NFIB: variants seen among roughly 807,000 people sequenced by gnomAD.
NFIB encodes the protein nuclear factor I B, also known as nuclear factor 1 B-type.
NFIB carries 11 observed loss-of-function variants against 61.5 expected under a neutral mutation model. The ratio of observed to expected loss-of-function variants is 0.18; its 90% CI spans 0.11 to 0.30. NFIB has a LOEUF of 0.30. Ranked by LOEUF, NFIB falls within the 10% of genes least tolerant of loss-of-function variation. The pLI is 1.00. For synonymous variants in NFIB, 260 were observed against 216.5 expected, an observed-to-expected ratio of 1.20 and a Z score of -1.76; for missense variants, 471 against 608.9, an observed-to-expected ratio of 0.77 and a Z score of 2.38.
intron 1 of NFIB, among the ~76,000 whole-genome samples, chr9:14,344,745 G>A (rs2060998853): frequency 6.6e-6 from 1 of 150,638 alleles, no homozygotes; most frequent in African/African-American, 2.5e-5. Context: ...CAAGACTGCA[G>A]GGTAAAGAAA....
At chr9:14,457,214 C>A in the NFIB span, among the ~76,000 whole-genome samples, 1 of 152,136 alleles carries the variant, frequency 6.6e-6, no homozygotes, top group Non-Finnish European at 1.5e-5. Context: ...GGAAGATGAA[C>A]TGGATATCCA....
the NFIB span, among the ~76,000 whole-genome samples, chr9:14,472,850 A>C: frequency 6.6e-6 from 1 of 152,320 alleles, no homozygotes; most frequent in African/African-American, 2.4e-5. Context: ...CAAAAAAATA[A>C]AAATAAAAAA....
In NFIB at chr9:14,313,873, G is replaced by C; in HGVS notation, c.-362C>G. ...CAGTTGTTGTTGTTGTTGGGGTGTA[G>C]GGGGTGCGCGAAGGTTCGGTGTGGG... On this transcript the variant is annotated 5_prime_UTR_variant, in exon 1 of 11. Transcript: ENST00000380953. This position sits in a 1 kb window ranked among gnomAD's most constrained non-coding sequence, Gnocchi z 4.5. The C allele has an allele frequency of 7.1e-6, 8 of 1,126,094 alleles. No individual in the cohort carries two copies. The highest frequency in any genetic ancestry group is 8.7e-6 in the Non-Finnish European group (8 of 917,898). 69.8% of individuals were successfully genotyped at this position (1,126,094 alleles called of 1,614,324 possible).
At chr9:14,239,824 G>A (rs920858463) in intron 2 of NFIB, among the ~76,000 whole-genome samples, 2 of 152,118 alleles carry the variant, frequency 1.3e-5, no homozygotes, top group Admixed American at 6.6e-5. Context: ...TGAAAACAGT[G>A]AAAGATACCC....
chr9:14,405,449 G>A, the NFIB span, among the ~76,000 whole-genome samples: 1 of 152,188 alleles, frequency 6.6e-6, no homozygotes, highest in Non-Finnish European at 1.5e-5. Context: ...GTGAATGGCA[G>A]GGAAACTGAC....
At chr9:14,281,212 T>A (rs1303515278) in intron 2 of NFIB, among the ~76,000 whole-genome samples, 1 of 152,208 alleles carries the variant, frequency 6.6e-6, no homozygotes, top group Non-Finnish European at 1.5e-5. Flanking sequence ...AATTATCCAA[T>A]TAAACATATA....
At chr9:14,368,787 T>C (rs2061328962) in intron 1 of NFIB, among the ~76,000 whole-genome samples, 1 of 152,346 alleles carries the variant, frequency 6.6e-6, no homozygotes, top group African/African-American at 2.4e-5. Flanking sequence ...TATGTCTGCA[T>C]AGCTCATTTA....
At chr9:14,099,316 C>G (rs2035364197) in intron 10 of NFIB, among the ~76,000 whole-genome samples, 1 of 152,118 alleles carries the variant, frequency 6.6e-6, no homozygotes, top group Non-Finnish European at 1.5e-5. Context: ...ATGAACAGAC[C>G]TATATTTCTT....
At chr9:14,383,333 T>G (rs547218349) in intron 1 of NFIB, among the ~76,000 whole-genome samples, 4 of 152,348 alleles carry the variant, frequency 2.6e-5, no homozygotes, top group South Asian at 4.1e-4. Flanking sequence ...CACTATTGAT[T>G]ATATTTTTGG....
chr9:14,308,969 T>A (rs1016096265), intron 1 of NFIB, among the ~76,000 whole-genome samples: 7 of 152,218 alleles, frequency 4.6e-5, no homozygotes, highest in African/African-American at 1.4e-4. Context: ...CTTAACGTCC[T>A]GTACATGCAC....
At chr9:14,433,553 C>T in the NFIB span, among the ~76,000 whole-genome samples, 1 of 152,330 alleles carries the variant, frequency 6.6e-6, no homozygotes, top group South Asian at 2.1e-4. Context: ...AACAGGATTT[C>T]CACATCTACT....
upstream of NFIB, among the ~76,000 whole-genome samples, chr9:14,317,631 G>A (rs920097773): frequency 1.4e-4 from 22 of 152,228 alleles, no homozygotes; most frequent in African/African-American, 5.3e-4. Context: ...GGCTTTGACT[G>A]TCTTCTCAGG....
intron 4 of NFIB, among the ~76,000 whole-genome samples, chr9:14,151,708 T>C (rs1035249313): frequency 5.5e-4 from 83 of 152,198 alleles, no homozygotes; most frequent in African/African-American, 2.0e-3. Context: ...GTAGAGATAA[T>C]GTGCAAAGTG....
At chr9:14,450,384 T>C in the NFIB span, among the ~76,000 whole-genome samples, 27 of 152,358 alleles carry the variant, frequency 1.8e-4, no homozygotes, top group Non-Finnish European at 3.1e-4. Context: ...TACTTTTCCA[T>C]GAACCTCTTG....
the NFIB span, among the ~76,000 whole-genome samples, chr9:14,466,994 C>T: frequency 2.6e-5 from 4 of 152,154 alleles, no homozygotes; most frequent in African/African-American, 9.7e-5. Context: ...GGCTTCACTG[C>T]TATGCTGTGC....
intron 2 of NFIB, among the ~76,000 whole-genome samples, chr9:14,289,017 G>A (rs2058898056): frequency 6.7e-6 from 1 of 149,612 alleles, no homozygotes; most frequent in Non-Finnish European, 1.5e-5. Context: ...AAAATAAAAG[G>A]ATTTAATATA....
At chr9:14,115,706 C>T (rs1469955532) in intron 9 of NFIB, among the ~76,000 whole-genome samples, 2 of 152,184 alleles carry the variant, frequency 1.3e-5, no homozygotes, top group African/African-American at 4.8e-5. Context: ...CTGTTCCCAA[C>T]CTTATGCGAC....
At chr9:14,406,803 G>A in the NFIB span, among the ~76,000 whole-genome samples, 3 of 152,176 alleles carry the variant, frequency 2.0e-5, no homozygotes, top group Non-Finnish European at 4.4e-5. Flanking sequence ...TTCAGGTCAA[G>A]GTGATCCTGG....
the NFIB span, among the ~76,000 whole-genome samples, chr9:14,491,545 A>G: frequency 1.3e-5 from 2 of 152,236 alleles, no homozygotes; most frequent in Admixed American, 1.3e-4. Context: ...CTGAAGCAGC[A>G]TCAGTGATAG....
Sources: gnomAD v4.1 joint callset for allele counts (sites outside exome capture counted in the v4.1 genomes callset) on GRCh38, gnomAD v4.1.1 for gene constraint, Gnocchi (gnomAD v3.1) non-coding constraint, MANE v1.5 for transcripts, NCBI Gene and HGNC (gene_info 2026-07-23, HGNC 2026-07-21) for gene names.